The following C22orf31 variants were observed in gnomAD, a reference collection of about 807,000 sequenced individuals.
C22orf31 encodes the protein uncharacterized protein C22orf31.
Under a neutral mutation model 15.0 loss-of-function variants are expected in C22orf31, and 11 were observed. The ratio of observed to expected loss-of-function variants is 0.73; its 90% CI spans 0.46 to 1.21. The LOEUF (loss-of-function observed/expected upper bound fraction) is 1.21, where lower values mean the gene tolerates loss of function less well. C22orf31 is among the 50% of genes most tolerant of loss of function. C22orf31 has a pLI of 0.00. For missense variants in C22orf31, 340 were observed against 347.2 expected (o/e 0.98, Z 0.17); for synonymous variants, 132 against 133.3 (o/e 0.99, Z 0.07).
the C22orf31 span, among the ~76,000 whole-genome samples, chr22:29,070,928 C>A: frequency 6.6e-6 from 1 of 152,060 alleles, no homozygotes; most frequent in Non-Finnish European, 1.5e-5. Flanking sequence ...TTGGCATGTT[C>A]CTCGCTGAAT....
the C22orf31 span, among the ~76,000 whole-genome samples, chr22:29,068,175 G>A: frequency 8.1e-5 from 12 of 147,306 alleles, no homozygotes; most frequent in East Asian, 1.4e-3. Context: ...TCTGTCTCCC[G>A]GGTTCAAGTG....
chr22:29,061,961 A>T, upstream of C22orf31: 1 of 568,074 alleles, frequency 1.8e-6, no homozygotes, highest in Non-Finnish European at 3.2e-6. Context: ...GTTTGTTTAG[A>T]TGTGGGCTCA....
chr22:29,065,248 T>G (rs1026160122), upstream of C22orf31, among the ~76,000 whole-genome samples: 1 of 152,192 alleles, frequency 6.6e-6, no homozygotes, highest in Admixed American at 6.5e-5. Context: ...CAACATTTGA[T>G]ATGATCTTTG....
chr22:29,066,266 A>G (rs1370416567), upstream of C22orf31, among the ~76,000 whole-genome samples: 2 of 152,146 alleles, frequency 1.3e-5, no homozygotes, highest in African/African-American at 4.8e-5. Flanking sequence ...TTAACACCCA[A>G]GCAGTAAACT....
At chr22:29,072,654 C>T in the C22orf31 span, among the ~76,000 whole-genome samples, 1 of 152,226 alleles carries the variant, frequency 6.6e-6, no homozygotes, top group South Asian at 2.1e-4. Flanking sequence ...ATTATTACCG[C>T]TGTAGCTGAG....
chr22:29,066,850 C>T, the C22orf31 span, among the ~76,000 whole-genome samples: 3 of 152,020 alleles, frequency 2.0e-5, no homozygotes, highest in Non-Finnish European at 4.4e-5. Flanking sequence ...CGGGAGCCAC[C>T]GCGCCCAGCC....
chr22:29,062,436 C>T (rs995366619), upstream of C22orf31, among the ~76,000 whole-genome samples: 1 of 152,110 alleles, frequency 6.6e-6, no homozygotes, highest in Non-Finnish European at 1.5e-5. Flanking sequence ...TCTTTTACAT[C>T]CCATGGCAAA....
Position 29,061,799 on chromosome 22 carries a change from G to A in C22orf31, c.-7C>T. 1 of 1,546,052 alleles carries A rather than the reference G, an allele frequency of 6.5e-7. No homozygotes were observed. Among genetic ancestry groups the A allele is most frequent in the Non-Finnish European group, 8.9e-7 (1 of 1,129,710 alleles). Reference sequence around the variant, plus strand: ...AATAAAATCACCTTACCATATTTCAGTTGCCTTAAATTTTATTTTCGCTAG... The same window carrying A: ...AATAAAATCACCTTACCATATTTCAATTGCCTTAAATTTTATTTTCGCTAG... On this transcript the variant is annotated 5_prime_UTR_variant, in exon 1 of 3. Transcript: ENST00000216071.
At position 29,058,915 on chromosome 22, in the gene C22orf31, T is replaced by A; in HGVS notation, c.700A>T (p.Arg234Trp). The change falls in exon 3 of 3, where the codon AGG becomes TGG. Residue 234 changes from arginine to tryptophan, a missense_variant. By Grantham distance (101) the Arg-to-Trp change is moderately radical (BLOSUM62 -3). Coordinates refer to ENST00000216071, the MANE Select transcript of C22orf31 (RefSeq NM_015370.2). ...MLWNPSGTPK[R>W]YSLELGKAIK... ...GCCTTGCCCAGCTCCAGGCTGTACCTCTTGGGGGTCCCTGAAGGATTCCAC... is the reference window on the plus strand; with the variant it reads ...GCCTTGCCCAGCTCCAGGCTGTACCACTTGGGGGTCCCTGAAGGATTCCAC... 1 of 1,614,162 alleles carries A rather than the reference T, an allele frequency of 6.2e-7. No homozygotes were observed. The highest frequency in any genetic ancestry group is 8.5e-7 in the Non-Finnish European group (1 of 1,180,006).
upstream of C22orf31, among the ~76,000 whole-genome samples, chr22:29,063,300 G>A (rs2037408294): frequency 6.6e-6 from 1 of 152,034 alleles, no homozygotes; most frequent in African/African-American, 2.4e-5. Context: ...CAAGACGCTG[G>A]GATTACAGGC....
chr22:29,064,012 C>A (rs2005962), upstream of C22orf31, among the ~76,000 whole-genome samples: 1,353 of 152,240 alleles, frequency 8.9e-3, 27 homozygotes, highest in African/African-American at 0.031. Flanking sequence ...GGATTATAGG[C>A]ACGCACTATC....
the C22orf31 span, among the ~76,000 whole-genome samples, chr22:29,067,917 C>T: frequency 1.3e-5 from 2 of 152,004 alleles, no homozygotes; most frequent in African/African-American, 4.8e-5. Flanking sequence ...GGCCTAATGA[C>T]AGAATAAGGA....
chr22:29,072,151 G>A, the C22orf31 span, among the ~76,000 whole-genome samples: 1 of 151,688 alleles, frequency 6.6e-6, no homozygotes, highest in Admixed American at 6.6e-5. Context: ...TTTTGTTTTT[G>A]TTTTTGTTTT....
At chr22:29,059,320 C>A in intron 2 of C22orf31, 138 bp from the exon 3 acceptor site, 2 of 685,620 alleles carry the variant, frequency 2.9e-6, no homozygotes, top group Non-Finnish European at 4.9e-6. Context: ...TTACTGAATT[C>A]CTTTATGTAC....
chr22:29,065,723 A>T (rs2123904460), upstream of C22orf31, among the ~76,000 whole-genome samples: 3 of 152,396 alleles, frequency 2.0e-5, no homozygotes, highest in South Asian at 6.2e-4. Context: ...AGAATTTTAA[A>T]GTCAGGATGG....
intron 1 of C22orf31, among the ~76,000 whole-genome samples, chr22:29,061,054 A>T (rs112809337): frequency 2.0e-5 from 3 of 152,256 alleles, no homozygotes; most frequent in African/African-American, 7.2e-5. Context: ...TTACAGTAAT[A>T]TTCAGGCTCT....
upstream of C22orf31, among the ~76,000 whole-genome samples, chr22:29,062,561 G>A (rs573252295): frequency 2.0e-5 from 3 of 152,220 alleles, no homozygotes; most frequent in South Asian, 6.2e-4. Context: ...TCCTGTTGGT[G>A]GGTTTGATTC....
intron 2 of C22orf31, chr22:29,059,869 A>G (rs1241032380): frequency 2.0e-6 from 2 of 985,052 alleles, no homozygotes; most frequent in Non-Finnish European, 2.4e-6. Context: ...AAGCCACCTC[A>G]TCCTTCTCTA....
At chr22:29,060,868 G>T (rs752830821) in intron 1 of C22orf31, 25 bp from the exon 2 acceptor site, 6 of 1,584,844 alleles carry the variant, frequency 3.8e-6, no homozygotes, top group Non-Finnish European at 5.2e-6. Flanking sequence ...AGGGAGAAAT[G>T]AATTTTAAAA....
Sources: allele counts gnomAD v4.1 joint callset (sites outside exome capture counted in the v4.1 genomes callset), GRCh38; gene constraint gnomAD v4.1.1; transcripts MANE v1.5; gene names NCBI Gene and HGNC (gene_info 2026-07-23, HGNC 2026-07-21).